PLPP1: variants seen among roughly 807,000 people sequenced by gnomAD.
PLPP1 encodes the protein lipid phosphate phosphohydrolase 1a.
Under a neutral mutation model 31.2 loss-of-function variants are expected in PLPP1, and 24 were observed. The ratio of observed to expected loss-of-function variants is 0.77; its 90% CI spans 0.56 to 1.08. The LOEUF is 1.08. PLPP1 is among the 50% of genes least tolerant of loss of function. PLPP1 has a pLI of 0.00. For synonymous variants in PLPP1, 146 were observed against 126.3 expected, an observed-to-expected ratio of 1.16 and a Z score of -1.05; for missense variants, 319 against 342.7, an observed-to-expected ratio of 0.93 and a Z score of 0.55.
rs185303928 is a variant in PLPP1 at position 55,430,158 on chromosome 5, C to T, written c.550-4119G>A. On this transcript the variant is annotated intron_variant, in intron 4 of 5. Transcript: ENST00000307259. ...GGTCACCACCACCACCAGCGCAAACCACTTGGGAATCAGAGGGTTGTCCTG... is the reference window on the plus strand; with the variant it reads ...GGTCACCACCACCACCAGCGCAAACTACTTGGGAATCAGAGGGTTGTCCTG... Among the ~76,000 whole-genome samples, 202 of 152,298 alleles carry T rather than the reference C, an allele frequency of 1.3e-3. 2 individuals are homozygous for T. The Middle Eastern group carries it at 0.024, about 18-fold the overall frequency.
intron 3 of PLPP1, among the ~76,000 whole-genome samples, chr5:55,446,764 TGA>T (rs2111725828): frequency 6.6e-6 from 1 of 152,336 alleles, no homozygotes; most frequent in African/African-American, 2.4e-5. Context: ...CAGACCAGTG[TGA>T]GTGTGGTCCT....
intron 3 of PLPP1, among the ~76,000 whole-genome samples, chr5:55,466,702 C>CA (rs534350362): frequency 5.5e-5 from 8 of 145,062 alleles, no homozygotes; most frequent in Admixed American, 4.1e-4. Context: ...GACTCCATCT[C>CA]AAAAAAAAGA....
intron 1 of PLPP1, among the ~76,000 whole-genome samples, chr5:55,521,695 C>G (rs34857316): frequency 0.061 from 9,287 of 152,106 alleles, 518 homozygotes; most frequent in African/African-American, 0.13. Flanking sequence ...ATGAGTCTGT[C>G]TTCTACCATA....
intron 2 of PLPP1, among the ~76,000 whole-genome samples, chr5:55,474,858 T>C (rs1415106422): frequency 6.6e-6 from 1 of 152,146 alleles, no homozygotes; most frequent in Non-Finnish European, 1.5e-5. Context: ...AAATTAGAGC[T>C]CTAACAATCA....
At chr5:55,428,692 A>AG (rs1294448953) in intron 4 of PLPP1, among the ~76,000 whole-genome samples, 1 of 152,226 alleles carries the variant, frequency 6.6e-6, no homozygotes, top group Non-Finnish European at 1.5e-5. Context: ...AACTAGATAC[A>AG]GGGGACACAG....
At position 55,534,686 on chromosome 5, in the gene PLPP1, G is replaced by T; in HGVS notation, c.-57C>A. 1 of 1,492,268 alleles carries T rather than the reference G, an allele frequency of 6.7e-7. No individual in the cohort carries two copies. Among genetic ancestry groups the T allele is most frequent in the Non-Finnish European group, 9.0e-7 (1 of 1,115,570 alleles). The allele number at this position is 1,492,268 out of a possible 1,614,324, so 92.4% of individuals were successfully genotyped here. On this transcript the variant is annotated 5_prime_UTR_variant, in exon 1 of 6. Coordinates refer to ENST00000307259, the MANE Select transcript of PLPP1 (RefSeq NM_003711.4). ...TGGACTGAGCTGCGGGACGGCGGCC[G>T]AGGCCCTTGATTCTCGAGCCCGGGC...
intron 2 of PLPP1, among the ~76,000 whole-genome samples, chr5:55,471,751 G>A (rs1752419778): frequency 6.6e-6 from 1 of 152,130 alleles, no homozygotes; most frequent in South Asian, 2.1e-4. Flanking sequence ...AGTAAATAAA[G>A]TTAAATGTAT....
At chr5:55,437,306 CTTG>C (rs1439197704) in intron 4 of PLPP1, among the ~76,000 whole-genome samples, 3 of 152,094 alleles carry the variant, frequency 2.0e-5, no homozygotes, top group East Asian at 3.8e-4. Context: ...CTTGACTAAT[CTTG>C]TTAACACTTC....
At position 55,475,019 on chromosome 5, in the gene PLPP1, T is replaced by C. The variant is rs572802615; in HGVS notation, c.210+280A>G. ...TCACAGATGTGATCATCACATATTA[T>C]AGTATCCAACTCCGAGACTCAAGCG... On this transcript the variant is annotated intron_variant, in intron 2 of 5. Coordinates refer to ENST00000307259, the MANE Select transcript of PLPP1 (RefSeq NM_003711.4). Among the ~76,000 whole-genome samples, 25 of 152,242 alleles carry C rather than the reference T, an allele frequency of 1.6e-4. No individual in the cohort carries two copies. The East Asian group carries it at 3.3e-3, about 20-fold the overall frequency.
rs1000482665 is a variant in PLPP1 at position 55,425,334 on chromosome 5, C to T, written c.727G>A (p.Ala243Thr). Residue 243 changes from alanine (A) to threonine (T), a missense_variant and splice_region_variant, in exon 6 of 6, where the codon GCT (alanine) becomes ACT (threonine). Ala to Thr is a moderately conservative substitution (Grantham distance 58, BLOSUM62 0). Transcript: ENST00000307259. ...IQGALVAILVAVYVSDFFKER... is the reference protein window; with the variant it reads ...IQGALVAILVTVYVSDFFKER... ...TTGAAGAAATCCGATACATATACAG[C>T]CTACAGTGCAAAATATTTAATGGTA... is the stretch of plus-strand genomic sequence containing the variant. 4 of 1,593,378 alleles carry T rather than the reference C, an allele frequency of 2.5e-6. No homozygotes were observed. The highest frequency in any genetic ancestry group is 2.7e-5 in the African/African-American group (2 of 73,964).
At chr5:55,451,835 A>G (rs1355600841) in intron 3 of PLPP1, among the ~76,000 whole-genome samples, 1 of 152,218 alleles carries the variant, frequency 6.6e-6, no homozygotes, top group East Asian at 1.9e-4. Flanking sequence ...TGCTGGGATT[A>G]TAGGCATGAG....
chr5:55,445,575 C>T (rs1379923257), intron 3 of PLPP1, among the ~76,000 whole-genome samples: 3 of 117,192 alleles, frequency 2.6e-5, no homozygotes, highest in African/African-American at 9.8e-5. Context: ...GACAGAGTCT[C>T]ACTCTGTCAC....
chr5:55,452,240 T>A lies in PLPP1; in HGVS notation c.492-10332A>T, dbSNP rs150656422. Among the ~76,000 whole-genome samples the A allele has an allele frequency of 7.7e-4, 118 of 152,300 alleles. No individual in the cohort carries two copies. The East Asian group carries it at 0.017, about 22-fold the overall frequency. On this transcript the variant is annotated intron_variant, in intron 3 of 5. Transcript: ENST00000307259. ...GTATTGGATCACTGGAATGGATCCC[T>A]CATGAATGGTTTAGTGCCATCCCCT...
At chr5:55,461,034 A>G (rs1005515888) in intron 3 of PLPP1, among the ~76,000 whole-genome samples, 1 of 152,028 alleles carries the variant, frequency 6.6e-6, no homozygotes, top group African/African-American at 2.4e-5. Flanking sequence ...AAATACTACA[A>G]CAACAACAAA....
At chr5:55,515,771 CAG>C (rs1188601720) in intron 1 of PLPP1, among the ~76,000 whole-genome samples, 1 of 152,098 alleles carries the variant, frequency 6.6e-6, no homozygotes, top group Non-Finnish European at 1.5e-5. Flanking sequence ...TCTGAAAAGT[CAG>C]TGTTTCTCAA....
intron 1 of PLPP1, among the ~76,000 whole-genome samples, chr5:55,521,780 C>T (rs1014983176): frequency 2.0e-5 from 3 of 152,082 alleles, no homozygotes; most frequent in African/African-American, 7.2e-5. Context: ...TTTGGTATCT[C>T]CAGTGGTAGG....
intron 3 of PLPP1, among the ~76,000 whole-genome samples, chr5:55,453,158 T>A (rs1416568722): frequency 1.3e-5 from 2 of 152,222 alleles, no homozygotes; most frequent in Non-Finnish European, 2.9e-5. Flanking sequence ...CCCACCCACA[T>A]GCATCGAGTA....
chr5:55,493,141 C>T (rs900770998), intron 1 of PLPP1, among the ~76,000 whole-genome samples: 2 of 151,916 alleles, frequency 1.3e-5, no homozygotes, highest in Non-Finnish European at 1.5e-5. Context: ...ATTGAGACCT[C>T]GTCTCTACAA....
chr5:55,427,086 TTAAA>T, intron 4 of PLPP1, among the ~76,000 whole-genome samples: 1 of 17,098 alleles, frequency 5.8e-5, no homozygotes, highest in Admixed American at 1.1e-3. Context: ...TCTGCTCTCA[TTAAA>T]AAAAAAAAAA....
Sources: allele counts gnomAD v4.1 joint callset (sites outside exome capture counted in the v4.1 genomes callset), GRCh38; gene constraint gnomAD v4.1.1; transcripts MANE v1.5; gene names NCBI Gene and HGNC (gene_info 2026-07-23, HGNC 2026-07-21).